FAM135A: variants seen among roughly 807,000 people sequenced by gnomAD.
FAM135A encodes protein FAM135A.
FAM135A carries 79 observed loss-of-function variants against 146.8 expected under a neutral mutation model. That is an observed-to-expected ratio of 0.54 (90% CI 0.45 to 0.65). The LOEUF is 0.65. FAM135A is among the 30% of genes least tolerant of loss of function. FAM135A has a pLI of 0.00. For missense variants in FAM135A, 1,623 were observed against 1,758.2 expected (o/e 0.92, Z 1.38); for synonymous variants, 562 against 603.6 (o/e 0.93, Z 1.01).
intron 20 of FAM135A, among the ~76,000 whole-genome samples, chr6:70,540,568 G>A (rs551534102): frequency 1.5e-3 from 222 of 151,926 alleles, no homozygotes; most frequent in African/African-American, 4.8e-3. Flanking sequence ...CTTGTGATCC[G>A]CCCGCCTCGG....
chr6:70,536,747 T>G (rs963034063), intron 19 of FAM135A, among the ~76,000 whole-genome samples: 2 of 152,112 alleles, frequency 1.3e-5, no homozygotes, highest in Non-Finnish European at 2.9e-5. Context: ...CACCTACATT[T>G]AATACATTAT....
chr6:70,517,619 G>C (rs565120656), intron 12 of FAM135A, among the ~76,000 whole-genome samples: 1 of 151,812 alleles, frequency 6.6e-6, no homozygotes, highest in African/African-American at 2.4e-5. Flanking sequence ...GGGTTTCACC[G>C]TGTTGGTTAG....
chr6:70,413,852 C>T, intron 1 of FAM135A, 150 bp downstream of exon 1: 4 of 985,450 alleles, frequency 4.1e-6, no homozygotes, highest in Non-Finnish European at 4.8e-6. Context: ...TGCTGGCGGT[C>T]GGAGCCTGGC....
Position 70,524,067 on chromosome 6 carries a change from C to T in FAM135A, c.1204C>T (p.Leu402Phe). The change falls in exon 14 of 22, where the codon CTC becomes TTC. Residue 402 changes from leucine (L) to phenylalanine (F), a missense_variant. This residue lies in a region of FAM135A where 1,061 missense variants were observed against 1,113.8 expected (regional missense o/e 0.95). Transcript: ENST00000418814. ...TGAATGTAGTGAATTAGATGGAGATCTCAATTCATTACCTATAATCTTTGA... is the reference window on the plus strand; with the variant it reads ...TGAATGTAGTGAATTAGATGGAGATTTCAATTCATTACCTATAATCTTTGA... ...PIECSELDGD[L>F]NSLPIIFEDR... 6.2e-7 allele frequency: 1 copy of T among 1,612,018 alleles called. No individual in the cohort carries two copies. Among genetic ancestry groups the T allele is most frequent in the Non-Finnish European group, 8.5e-7 (1 of 1,178,656 alleles).
intron 2 of FAM135A, among the ~76,000 whole-genome samples, chr6:70,418,881 A>C (rs1480478341): frequency 6.6e-6 from 1 of 152,184 alleles, no homozygotes; most frequent in Non-Finnish European, 1.5e-5. Context: ...TCACTGGCTG[A>C]TTGTTTGCAG....
At chr6:70,475,773 G>T (rs1228222866) in intron 7 of FAM135A, 40 bp downstream of exon 7, 2 of 1,471,900 alleles carry the variant, frequency 1.4e-6, no homozygotes, top group South Asian at 1.2e-5. Context: ...AGGCACTTAT[G>T]ACTGTTATTT....
chr6:70,427,439 G>A (rs1427723199), intron 3 of FAM135A, among the ~76,000 whole-genome samples: 1 of 152,026 alleles, frequency 6.6e-6, no homozygotes, highest in Non-Finnish European at 1.5e-5. Context: ...GGCTGAGGCA[G>A]GAGAATGGCT....
intron 12 of FAM135A, among the ~76,000 whole-genome samples, chr6:70,506,255 A>G (rs903031155): frequency 1.3e-5 from 2 of 152,184 alleles, no homozygotes; most frequent in Non-Finnish European, 2.9e-5. Flanking sequence ...CCACCTCTAT[A>G]AAGAGGTGAG....
rs189636090 is a variant in FAM135A at position 70,458,260 on chromosome 6, C to A, written c.157+5689C>A. 3.4e-3 allele frequency among the ~76,000 whole-genome samples: 522 copies of A among 152,224 alleles called. 3 individuals carry two copies. Among genetic ancestry groups the A allele is most frequent in the Admixed American group, 7.4e-3 (113 of 15,282 alleles). Reference sequence around the variant, plus strand: ...AGAAGAAGAAAGAAATACATAAAATCTCTTTCACCCTTTTTTCTCATTCTC... The same window carrying A: ...AGAAGAAGAAAGAAATACATAAAATATCTTTCACCCTTTTTTCTCATTCTC... On this transcript the variant is annotated intron_variant, in intron 5 of 21. Coordinates refer to ENST00000418814, the MANE Select transcript of FAM135A (RefSeq NM_001162529.3).
chr6:70,546,090 A>C (rs1035483257), intron 20 of FAM135A, among the ~76,000 whole-genome samples: 14 of 152,182 alleles, frequency 9.2e-5, no homozygotes, highest in Admixed American at 8.5e-4. Context: ...AATTGTGAGA[A>C]ATGAGTAGTC....
intron 11 of FAM135A, among the ~76,000 whole-genome samples, chr6:70,493,992 T>TA (rs1180293532): frequency 6.9e-6 from 1 of 144,370 alleles, no homozygotes; most frequent in Non-Finnish European, 1.5e-5. Flanking sequence ...AGGCAGTGGT[T>TA]ACAGTGAGCC....
chr6:70,543,424 A>G (rs941843336), intron 20 of FAM135A, among the ~76,000 whole-genome samples: 1 of 152,190 alleles, frequency 6.6e-6, no homozygotes, highest in African/African-American at 2.4e-5. Context: ...TGAGAAAGAG[A>G]TTTGGGAATG....
intron 11 of FAM135A, among the ~76,000 whole-genome samples, chr6:70,497,019 G>T (rs1787436736): frequency 6.6e-6 from 1 of 152,094 alleles, no homozygotes; most frequent in Admixed American, 6.6e-5. Flanking sequence ...GAAATTTAAA[G>T]TAGTTTTTTC....
intron 5 of FAM135A, among the ~76,000 whole-genome samples, chr6:70,472,485 C>T (rs1220191912): frequency 6.6e-6 from 1 of 152,064 alleles, no homozygotes; most frequent in East Asian, 1.9e-4. Flanking sequence ...TATTTTAGTG[C>T]ATTATTTTTT....
chr6:70,538,552 A>G, intron 20 of FAM135A, 151 bp downstream of exon 20: 1 of 422,638 alleles, frequency 2.4e-6, no homozygotes, highest in Non-Finnish European at 4.2e-6. Context: ...GCAAACTCAG[A>G]ACTGAAACTA....
chr6:70,425,607 C>G (rs998949404), intron 2 of FAM135A, among the ~76,000 whole-genome samples: 1 of 152,014 alleles, frequency 6.6e-6, no homozygotes, highest in African/African-American at 2.4e-5. Flanking sequence ...ATACCAAGGA[C>G]AAAAGATAGA....
intron 1 of FAM135A, among the ~76,000 whole-genome samples, chr6:70,414,222 G>C (rs982763145): frequency 2.0e-5 from 3 of 152,064 alleles, no homozygotes; most frequent in East Asian, 1.9e-4. Flanking sequence ...TCTCACTCTT[G>C]TTACCTCCAT....
chr6:70,507,158 C>A (rs1446608773), intron 12 of FAM135A, among the ~76,000 whole-genome samples: 3 of 152,028 alleles, frequency 2.0e-5, no homozygotes, highest in East Asian at 3.9e-4. Context: ...CTAAATGAAT[C>A]ATGGAAGGAT....
intron 4 of FAM135A, among the ~76,000 whole-genome samples, chr6:70,445,707 T>C (rs1775544770): frequency 6.6e-6 from 1 of 152,224 alleles, no homozygotes; most frequent in African/African-American, 2.4e-5. Context: ...CCACCCTGGG[T>C]GGGCCAGGTG....
Sources: allele counts gnomAD v4.1 joint callset (sites outside exome capture counted in the v4.1 genomes callset), GRCh38; gene constraint gnomAD v4.1.1; regional missense constraint gnomAD v4.1.1; transcripts MANE v1.5; gene names NCBI Gene and HGNC (gene_info 2026-07-23, HGNC 2026-07-21).